NRG1: variants seen among roughly 807,000 people sequenced by gnomAD.
NRG1 encodes pro-neuregulin-1, membrane-bound isoform.
In NRG1, 18 loss-of-function variants were observed where a neutral mutation model predicts 63.8. The observed-to-expected ratio is 0.28, with a 90% CI of 0.19 to 0.42. NRG1 has a LOEUF of 0.42. Ranked by LOEUF, NRG1 falls within the 10% of genes least tolerant of loss-of-function variation. NRG1 has a pLI of 1.00. For missense variants in NRG1, 762 were observed against 814.7 expected (o/e 0.94, Z 0.79); for synonymous variants, 302 against 301.3 (o/e 1.00, Z -0.02).
At chr8:32,685,866 T>C (rs1809974544) in intron 5 of NRG1, among the ~76,000 whole-genome samples, 1 of 152,184 alleles carries the variant, frequency 6.6e-6, no homozygotes. Flanking sequence ...TCTTCCAGCT[T>C]GAGAACCTGA....
chr8:31,742,449 T>G (rs1218158066), intron 1 of NRG1, among the ~76,000 whole-genome samples: 3 of 135,976 alleles, frequency 2.2e-5, no homozygotes, highest in Non-Finnish European at 3.1e-5. Flanking sequence ...GACAACTTTT[T>G]TAAGAATTTT....
At chr8:31,815,499 A>G (rs548495819) in intron 1 of NRG1, among the ~76,000 whole-genome samples, 1 of 152,286 alleles carries the variant, frequency 6.6e-6, no homozygotes, top group African/African-American at 2.4e-5. Flanking sequence ...TCATCCAGCC[A>G]CGGGTACTTG....
intron 1 of NRG1, among the ~76,000 whole-genome samples, chr8:32,275,384 T>C (rs2129472763): frequency 6.6e-6 from 1 of 151,910 alleles, no homozygotes; most frequent in African/African-American, 2.4e-5. Context: ...ACATGGTAGG[T>C]GGGGATGAGT....
intron 1 of NRG1, among the ~76,000 whole-genome samples, chr8:32,466,036 A>T (rs1330165018): frequency 6.6e-6 from 1 of 152,142 alleles, no homozygotes; most frequent in Non-Finnish European, 1.5e-5. Context: ...AACTTTCATT[A>T]ATGAGCCTGT....
chr8:32,647,283 CTT>C, intron 5 of NRG1: 1 of 985,406 alleles, frequency 1.0e-6, no homozygotes, highest in Non-Finnish European at 1.2e-6. Flanking sequence ...CCTCCTTCTG[CTT>C]TTACTTCTCC....
intron 5 of NRG1, among the ~76,000 whole-genome samples, chr8:32,628,842 C>T (rs567426510): frequency 6.6e-6 from 1 of 151,504 alleles, no homozygotes; most frequent in South Asian, 2.1e-4. Context: ...AAGCGATTCT[C>T]CTGCCTCAGT....
At chr8:32,347,421 G>A (rs941945594) in intron 1 of NRG1, among the ~76,000 whole-genome samples, 16 of 152,052 alleles carry the variant, frequency 1.1e-4, no homozygotes, top group African/African-American at 3.1e-4. Context: ...TGCTTCCCAG[G>A]TGCCAAATAG....
At chr8:32,377,208 A>C (rs1809741280) in intron 1 of NRG1, among the ~76,000 whole-genome samples, 1 of 152,368 alleles carries the variant, frequency 6.6e-6, no homozygotes. Context: ...AAGTTGAAGG[A>C]CACTTTTTAA....
At chr8:32,499,513 T>A (rs1371389727) in intron 1 of NRG1, among the ~76,000 whole-genome samples, 1 of 152,000 alleles carries the variant, frequency 6.6e-6, no homozygotes, top group African/African-American at 2.4e-5. Context: ...TGTGACTCCA[T>A]CTCTAATAAA....
intron 1 of NRG1, among the ~76,000 whole-genome samples, chr8:32,257,381 T>G (rs188045945): frequency 6.6e-6 from 1 of 152,294 alleles, no homozygotes; most frequent in East Asian, 1.9e-4. Flanking sequence ...GGTAACCAGT[T>G]TTGTGCTTCA....
chr8:32,708,942 AG>A (rs1817121451), intron 5 of NRG1, among the ~76,000 whole-genome samples: 1 of 152,252 alleles, frequency 6.6e-6, no homozygotes. Flanking sequence ...AATATGGCCC[AG>A]GGTGACACTT....
intron 1 of NRG1, among the ~76,000 whole-genome samples, chr8:32,558,082 G>C (rs1362416260): frequency 6.6e-6 from 1 of 152,184 alleles, no homozygotes; most frequent in Non-Finnish European, 1.5e-5. Context: ...AAAGAAGGCA[G>C]AAAAGACAAG....
At chr8:32,633,298 G>A (rs770013625) in intron 5 of NRG1, among the ~76,000 whole-genome samples, 9 of 151,838 alleles carry the variant, frequency 5.9e-5, no homozygotes, top group Admixed American at 1.3e-4. Flanking sequence ...AAATTACTAC[G>A]ACAGCCTAGT....
intron 1 of NRG1, among the ~76,000 whole-genome samples, chr8:31,653,271 T>A (rs1325619146): frequency 6.6e-6 from 1 of 152,104 alleles, no homozygotes; most frequent in East Asian, 1.9e-4. Flanking sequence ...GCAAGTACTA[T>A]GTCTTACTTA....
intron 1 of NRG1, among the ~76,000 whole-genome samples, chr8:31,672,488 C>A (rs1336717795): frequency 6.6e-6 from 1 of 152,098 alleles, no homozygotes; most frequent in East Asian, 1.9e-4. Context: ...GTTAGGATTT[C>A]TGAGGTTCTT....
chr8:32,251,607 G>A (rs942156602), intron 1 of NRG1, among the ~76,000 whole-genome samples: 2 of 152,118 alleles, frequency 1.3e-5, no homozygotes, highest in African/African-American at 4.8e-5. Context: ...GGTATTTCTG[G>A]TTCTAGATTC....
intron 1 of NRG1, among the ~76,000 whole-genome samples, chr8:32,258,632 T>C (rs59465288): frequency 0.032 from 4,893 of 151,436 alleles, 136 homozygotes; most frequent in African/African-American, 0.068. Flanking sequence ...AGAGAGAGAG[T>C]GTGTGAAGGA....
chr8:31,828,881 G>A (rs139201867), intron 1 of NRG1, among the ~76,000 whole-genome samples: 1 of 152,242 alleles, frequency 6.6e-6, no homozygotes, highest in African/African-American at 2.4e-5. Flanking sequence ...ATGCATTTGT[G>A]TACTTACACA....
chr8:32,735,743 T>C (rs571244459), intron 6 of NRG1, among the ~76,000 whole-genome samples: 1 of 152,326 alleles, frequency 6.6e-6, no homozygotes, highest in African/African-American at 2.4e-5. Flanking sequence ...TTTTAGTCTT[T>C]CTGCAGATGA....
Sources: allele counts gnomAD v4.1 joint callset (sites outside exome capture counted in the v4.1 genomes callset), GRCh38; gene constraint gnomAD v4.1.1; transcripts MANE v1.5; gene names NCBI Gene and HGNC (gene_info 2026-07-23, HGNC 2026-07-21).